KANK2: variants seen among roughly 807,000 people sequenced by gnomAD.
KANK2 encodes KN motif and ankyrin repeat domains 2.
In KANK2, 41 loss-of-function variants were observed where a neutral mutation model predicts 74.6. That is an observed-to-expected ratio of 0.55 (90% CI 0.43 to 0.71). The LOEUF is 0.71. Ranked by LOEUF, KANK2 falls within the 30% of genes least tolerant of loss-of-function variation. KANK2 has a pLI of 0.00. For missense variants in KANK2, 1,148 were observed against 1,196.4 expected (o/e 0.96, Z 0.60); for synonymous variants, 537 against 519.0 (o/e 1.03, Z -0.47).
intron 8 of KANK2, among the ~76,000 whole-genome samples, chr19:11,175,149 G>A (rs894563057): frequency 2.1e-4 from 32 of 151,942 alleles, no homozygotes; most frequent in African/African-American, 7.7e-4. Context: ...TGTAGAGGCT[G>A]AGTGCAGTGG....
intron 6 of KANK2, 62 bp from the exon 7 acceptor site, chr19:11,176,879 G>A (rs1266095638): frequency 4.7e-6 from 7 of 1,480,240 alleles, no homozygotes; most frequent in Non-Finnish European, 5.4e-6. Flanking sequence ...GGTGGGAAAG[G>A]AAGGCAGGGA....
At chr19:11,179,293 G>A (rs1428336428) in intron 4 of KANK2, among the ~76,000 whole-genome samples, 1 of 146,184 alleles carries the variant, frequency 6.8e-6, no homozygotes. Context: ...TCCAGCCTGG[G>A]CAACAGAGCA....
chr19:11,179,521 C>G (rs568793884), intron 4 of KANK2, among the ~76,000 whole-genome samples: 1 of 149,834 alleles, frequency 6.7e-6, no homozygotes, highest in African/African-American at 2.5e-5. Flanking sequence ...GCCTGTAATC[C>G]CAGCTACTCA....
chr19:11,181,484 T>C (rs978787554), intron 4 of KANK2, among the ~76,000 whole-genome samples: 4 of 152,076 alleles, frequency 2.6e-5, no homozygotes. Flanking sequence ...TGACCTCAAG[T>C]GATCCATCTG....
intron 4 of KANK2, 53 bp from the exon 5 acceptor site, chr19:11,178,773 A>C: frequency 6.8e-7 from 1 of 1,462,930 alleles, no homozygotes; most frequent in Non-Finnish European, 9.0e-7. Context: ...CCAAACCACC[A>C]CAGCCCTGCG....
At chr19:11,188,573 C>T (rs1337278450) in intron 4 of KANK2, among the ~76,000 whole-genome samples, 1 of 151,092 alleles carries the variant, frequency 6.6e-6, no homozygotes, top group Non-Finnish European at 1.5e-5. Context: ...GTTTGTTCAA[C>T]CCCTTGATAA....
rs12972022 is a variant in KANK2 at position 11,192,746 on chromosome 19, G to A, written c.1249+85C>T. 0.079 allele frequency: 119,872 copies of A among 1,526,806 alleles called. 5,542 individuals carry two copies. Among genetic ancestry groups the A allele is most frequent in the Admixed American group, 0.11 (6,296 of 58,518 alleles). 94.6% of individuals were successfully genotyped at this position (1,526,806 alleles called of 1,614,324 possible). On this transcript the variant is annotated intron_variant, in intron 4 of 12. Coordinates refer to ENST00000586659, the MANE Select transcript of KANK2 (RefSeq NM_001136191.3). ...CACCGCACCCTGCCTGGACCCTGGC[G>A]TTCTGAGAGTCCAGGATGAGCCATG...
intron 4 of KANK2, among the ~76,000 whole-genome samples, chr19:11,191,783 C>T (rs925590781): frequency 1.5e-4 from 23 of 152,270 alleles, no homozygotes; most frequent in Admixed American, 1.4e-3. Flanking sequence ...CTGAGGCCAG[C>T]GTGGTGGCTC....
chr19:11,172,965 G>A lies in KANK2; in HGVS notation c.2211+16C>T. The A allele has an allele frequency of 6.2e-7, 1 of 1,610,442 alleles. No individual in the cohort carries two copies. The highest frequency in any genetic ancestry group is 8.5e-7 in the Non-Finnish European group (1 of 1,177,998). ...GGAAGAGCCACCTGGATCTGCAGCA[G>A]CCGGGGTCCCCATACCTGGCTGGCT... On this transcript the variant is annotated intron_variant, in intron 10 of 12. Transcript: ENST00000586659.
intron 9 of KANK2, among the ~76,000 whole-genome samples, chr19:11,174,040 G>A (rs1033464595): frequency 5.9e-5 from 9 of 151,868 alleles, no homozygotes; most frequent in African/African-American, 2.2e-4. Flanking sequence ...ATCAAACTGG[G>A]AAAGTCACAT....
chr19:11,173,242 AG>A (rs2078230823), intron 9 of KANK2, 119 bp from the exon 10 acceptor site: 4 of 1,046,050 alleles, frequency 3.8e-6, no homozygotes, highest in Non-Finnish European at 5.4e-6. Context: ...CCCTTTTCTC[AG>A]AGGACCCCAC....
chr19:11,178,503 C>T (rs775478167), intron 5 of KANK2, 50 bp downstream of exon 5: 3 of 1,601,780 alleles, frequency 1.9e-6, no homozygotes, highest in African/African-American at 2.7e-5. Flanking sequence ...AGACTCCGAA[C>T]TGGCGCCATC....
Position 11,193,907 on chromosome 19 carries a change from G to A in KANK2, c.173C>T (p.Thr58Met), listed in dbSNP as rs746234296. 1.5e-5 allele frequency: 25 copies of A among 1,613,762 alleles called. No individual in the cohort carries two copies. The highest frequency in any genetic ancestry group is 3.3e-4 in the Middle Eastern group (2 of 6,084). ...KYVDDIEKGHTLRRVAVQRRP... is the reference protein window; with the variant it reads ...KYVDDIEKGHMLRRVAVQRRP... ...GCGCTGCACTGCCACGCGTCGCAGC[G>A]TGTGGCCCTTCTCGATGTCATCCAC... The change falls in exon 4 of 13, where the codon ACG (threonine) becomes ATG (methionine). Residue 58 changes from threonine to methionine, a missense_variant. Coordinates refer to ENST00000586659, the MANE Select transcript of KANK2 (RefSeq NM_001136191.3). The surrounding 1 kb of genome is among the most constrained non-coding windows in gnomAD (Gnocchi z 9.6).
At chr19:11,194,154 C>G in intron 3 of KANK2, 112 bp from the exon 4 acceptor site, 2 of 1,194,052 alleles carry the variant, frequency 1.7e-6, no homozygotes, top group Admixed American at 5.5e-5. Context: ...TGGGAGCCCA[C>G]CTGGTACTCA....
At position 11,170,026 on chromosome 19, in the gene KANK2, G is replaced by A. The variant is rs770721046; in HGVS notation, c.2412+22C>T. ...ATGCTGTGCTCCCGCCCTCCCCGGGGTGCACCTGGTTGGAGACTCACGCGA... is the reference window on the plus strand; with the variant it reads ...ATGCTGTGCTCCCGCCCTCCCCGGGATGCACCTGGTTGGAGACTCACGCGA... On this transcript the variant is annotated intron_variant, in intron 11 of 12. Coordinates refer to ENST00000586659, the MANE Select transcript of KANK2 (RefSeq NM_001136191.3). This position sits in a 1 kb window ranked among gnomAD's most constrained non-coding sequence, Gnocchi z 5.2. 1.9e-6 allele frequency: 3 copies of A among 1,612,302 alleles called. No homozygotes were observed. Among genetic ancestry groups the A allele is most frequent in the Non-Finnish European group, 2.5e-6 (3 of 1,178,442 alleles).
At chr19:11,187,698 G>A (rs2078716384) in intron 4 of KANK2, among the ~76,000 whole-genome samples, 1 of 152,176 alleles carries the variant, frequency 6.6e-6, no homozygotes, top group Non-Finnish European at 1.5e-5. Flanking sequence ...GTCTACGGCT[G>A]CTTTTGCAAC....
Position 11,170,386 on chromosome 19 carries a change from A to G in KANK2, c.2212-138T>C. ...ACTTGCTGATCTCCTCCTGAATCTC[A>G]AACAACCCTCCCGTCACCAGGGGAG... is the stretch of plus-strand genomic sequence containing the variant. On this transcript the variant is annotated intron_variant, in intron 10 of 12. Coordinates refer to ENST00000586659, the MANE Select transcript of KANK2 (RefSeq NM_001136191.3). This position sits in a 1 kb window ranked among gnomAD's most constrained non-coding sequence, Gnocchi z 5.2. 1 of 656,758 alleles carries G rather than the reference A, an allele frequency of 1.5e-6. No homozygotes were observed. The highest frequency in any genetic ancestry group is 2.7e-5 in the Admixed American group (1 of 36,768). The allele number at this position is 656,758 out of a possible 1,614,324, so 40.7% of individuals were successfully genotyped here.
chr19:11,178,575 C>T lies in KANK2; in HGVS notation c.1395G>A (p.Glu465=), dbSNP rs2078418953. The change falls in exon 5 of 13, where the codon GAG becomes GAA. Residue 465 remains glutamate (E), a synonymous_variant. Coordinates refer to ENST00000586659, the MANE Select transcript of KANK2 (RefSeq NM_001136191.3). ...TACCGGTGCCCCCGGCCTCCTCGGACTCTTGGGAGGCTGCTTGCCTGGTGG... is the reference window on the plus strand; with the variant it reads ...TACCGGTGCCCCCGGCCTCCTCGGATTCTTGGGAGGCTGCTTGCCTGGTGG... ...REPTRQAASQ[E]SEEAGGTGGP... is the part of the protein sequence containing the mutation. The T allele has an allele frequency of 6.2e-7, 1 of 1,604,368 alleles. No homozygotes were observed. Among genetic ancestry groups the T allele is most frequent in the Non-Finnish European group, 8.5e-7 (1 of 1,176,228 alleles).
intron 4 of KANK2, among the ~76,000 whole-genome samples, chr19:11,181,500 G>A (rs1328777018): frequency 2.0e-5 from 3 of 152,094 alleles, no homozygotes; most frequent in African/African-American, 7.2e-5. Context: ...ATCTGCCTCC[G>A]CCTCCGAAAG....
Sources: allele counts gnomAD v4.1 joint callset (sites outside exome capture counted in the v4.1 genomes callset), GRCh38; gene constraint gnomAD v4.1.1; non-coding constraint Gnocchi (gnomAD v3.1); transcripts MANE v1.5; gene names NCBI Gene and HGNC (gene_info 2026-07-23, HGNC 2026-07-21).